Variants in UBE2J1 observed in about 807,000 individuals in gnomAD.
UBE2J1 encodes ubiquitin conjugating enzyme E2 J1.
In UBE2J1, 17 loss-of-function variants were observed where a neutral mutation model predicts 42.1. The observed-to-expected ratio is 0.40, with a 90% CI of 0.28 to 0.61. The LOEUF (loss-of-function observed/expected upper bound fraction) is 0.61. Among genes scored for constraint, UBE2J1 ranks in the 20% least tolerant of loss-of-function variants. The probability of loss-of-function intolerance (pLI) is 0.38; values close to 1 mark genes in which losing one functional copy is unlikely to be tolerated. For synonymous variants in UBE2J1, 127 were observed against 137.2 expected (o/e 0.93, Z 0.52); for missense variants, 291 against 389.4 (o/e 0.75, Z 2.13).
chr6:89,335,177 T>C (rs1197768219), intron 6 of UBE2J1, 125 bp downstream of exon 6: 1 of 912,054 alleles, frequency 1.1e-6, no homozygotes, highest in African/African-American at 1.7e-5. Context: ...TATAAAAATA[T>C]GAAAAAAGAA....
chr6:89,344,595 A>G (rs1249307760), intron 1 of UBE2J1, among the ~76,000 whole-genome samples: 1 of 152,228 alleles, frequency 6.6e-6, no homozygotes, highest in Non-Finnish European at 1.5e-5. Flanking sequence ...CATCACTGAA[A>G]GGAGGAAAAA....
chr6:89,339,391 C>T (rs113784501), intron 3 of UBE2J1, among the ~76,000 whole-genome samples: 1,962 of 129,544 alleles, frequency 0.015, 61 homozygotes, highest in African/African-American at 0.057. Flanking sequence ...GACTGCATTG[C>T]TGCATGCCAG....
Position 89,333,170 on chromosome 6 carries a change from C to T in UBE2J1, c.594G>A (p.Glu198=), listed in dbSNP as rs1426198940. ...EVNSSGKTIS[E]SDLNHSFSLT... ...GTGAAAAAGAGTGGTTTAAGTCTGACTCAGAGATAGTCTTTCCAGATGAAT... is the reference window on the plus strand; with the variant it reads ...GTGAAAAAGAGTGGTTTAAGTCTGATTCAGAGATAGTCTTTCCAGATGAAT... Residue 198 remains glutamate (E), a synonymous_variant, in exon 7 of 8, where the codon GAG becomes GAA. Transcript: ENST00000435041. 6.2e-7 allele frequency: 1 copy of T among 1,612,900 alleles called. No individual in the cohort carries two copies. The highest frequency in any genetic ancestry group is 1.1e-5 in the South Asian group (1 of 90,762).
Position 89,327,227 on chromosome 6 carries a change from G to A in UBE2J1, c.*2452C>T, listed in dbSNP as rs569780083. ...TCAAGCATGCTATTTTAATTACCTT[G>A]ATATCTCATCATGTGCTATGTTGGT... On this transcript the variant is annotated 3_prime_UTR_variant, in exon 8 of 8. Transcript: ENST00000435041. 4.8e-4 allele frequency: 73 copies of A among 151,764 alleles called. No homozygotes were observed. The highest frequency in any genetic ancestry group is 1.8e-3 in the African/African-American group (73 of 41,148). The allele number at this position is 151,764 out of a possible 1,614,324, so 9.4% of individuals were successfully genotyped here.
rs967721438 is a variant in UBE2J1 at position 89,352,721 on chromosome 6, G to T, written c.-152C>A. The T allele has an allele frequency of 2.4e-5, 20 of 821,834 alleles. No homozygotes were observed. Among genetic ancestry groups the T allele is most frequent in the Non-Finnish European group, 3.4e-5 (20 of 583,744 alleles). 50.9% of individuals were successfully genotyped at this position (821,834 alleles called of 1,614,324 possible). On this transcript the variant is annotated 5_prime_UTR_variant, in exon 1 of 8. Coordinates refer to ENST00000435041, the MANE Select transcript of UBE2J1 (RefSeq NM_016021.3). Reference sequence around the variant, plus strand: ...CAGTCCAGCCTGGACTGCGGGCGGGGTGGCAAGGCTGAGTGCGGGCGAGGC... The same window carrying T: ...CAGTCCAGCCTGGACTGCGGGCGGGTTGGCAAGGCTGAGTGCGGGCGAGGC...
intron 1 of UBE2J1, among the ~76,000 whole-genome samples, chr6:89,344,351 T>C (rs1351021131): frequency 6.6e-6 from 1 of 152,224 alleles, no homozygotes; most frequent in Non-Finnish European, 1.5e-5. Flanking sequence ...CTGAATTCAC[T>C]GACTCTCCAA....
At chr6:89,346,271 C>A (rs543855601) in intron 1 of UBE2J1, among the ~76,000 whole-genome samples, 13 of 152,286 alleles carry the variant, frequency 8.5e-5, no homozygotes, top group African/African-American at 3.1e-4. Context: ...ACTTTGTTCA[C>A]TGGATCATCA....
intron 3 of UBE2J1, among the ~76,000 whole-genome samples, chr6:89,338,855 CG>C (rs1272821094): frequency 5.9e-5 from 9 of 151,608 alleles, no homozygotes; most frequent in Admixed American, 6.6e-5. Flanking sequence ...TTAGTAGAGA[CG>C]GGGTTTCACC....
intron 2 of UBE2J1, 133 bp downstream of exon 2, chr6:89,343,550 C>A (rs947982886): frequency 1.1e-5 from 5 of 439,724 alleles, no homozygotes; most frequent in Non-Finnish European, 1.5e-5. Context: ...ATGAAATATT[C>A]ATGAAATATG....
intron 3 of UBE2J1, among the ~76,000 whole-genome samples, chr6:89,340,634 C>T (rs1421237439): frequency 2.6e-5 from 4 of 152,142 alleles, no homozygotes; most frequent in African/African-American, 9.7e-5. Flanking sequence ...ATTGTGTAAC[C>T]CACCCATAGT....
chr6:89,345,637 G>A (rs1313236183), intron 1 of UBE2J1, among the ~76,000 whole-genome samples: 1 of 151,536 alleles, frequency 6.6e-6, no homozygotes, highest in African/African-American at 2.4e-5. Flanking sequence ...ACCAGGCACG[G>A]TGGCTTAGGC....
chr6:89,346,018 A>G (rs1022101447), intron 1 of UBE2J1, among the ~76,000 whole-genome samples: 10 of 151,644 alleles, frequency 6.6e-5, no homozygotes, highest in Non-Finnish European at 1.0e-4. Flanking sequence ...GGCCTCCCCA[A>G]TAGCTGAGAC....
At chr6:89,339,552 A>G (rs1323283883) in intron 3 of UBE2J1, among the ~76,000 whole-genome samples, 1 of 1,118 alleles carries the variant, frequency 8.9e-4, no homozygotes. Flanking sequence ...GGGAGGGGGG[A>G]AGGGATGGGG....
intron 6 of UBE2J1, 105 bp from the exon 7 acceptor site, chr6:89,333,310 C>T: frequency 1.5e-6 from 2 of 1,305,360 alleles, no homozygotes; most frequent in Non-Finnish European, 2.1e-6. Context: ...ATTTTAATTG[C>T]TAGTTTAATA....
At chr6:89,351,733 A>G (rs1768485328) in intron 1 of UBE2J1, among the ~76,000 whole-genome samples, 1 of 152,218 alleles carries the variant, frequency 6.6e-6, no homozygotes, top group African/African-American at 2.4e-5. Flanking sequence ...CAAGGTACAG[A>G]TAGAAAAAAT....
At position 89,352,661 on chromosome 6, in the gene UBE2J1, CG is replaced by C; in HGVS notation, c.-93del. ...CGGGTCTCAGCGCGGCTCGGGCGGA[CG>C]GGGCCTGGCCGAGGAGCCTCGGCAA... On this transcript the variant is annotated 5_prime_UTR_variant, in exon 1 of 8. Transcript: ENST00000435041. 7.2e-7 allele frequency: 1 copy of C among 1,388,038 alleles called. No individual in the cohort carries two copies. The highest frequency in any genetic ancestry group is 1.4e-5 in the South Asian group (1 of 69,468). 86.0% of individuals were successfully genotyped at this position (1,388,038 alleles called of 1,614,324 possible).
chr6:89,350,029 GCTACT>G (rs1768440926), intron 1 of UBE2J1, among the ~76,000 whole-genome samples: 3 of 151,976 alleles, frequency 2.0e-5, no homozygotes, highest in Admixed American at 6.6e-5. Flanking sequence ...GACAACTACT[GCTACT>G]ACAGTAGCAG....
Position 89,348,624 on chromosome 6 carries a change from T to A in UBE2J1, c.31+3915A>T, listed in dbSNP as rs572130596. Among the ~76,000 whole-genome samples the A allele has an allele frequency of 2.2e-4, 34 of 152,322 alleles. 1 individual carries two copies. In the South Asian group the frequency reaches 6.4e-3, roughly 29 times the overall value. ...CAAATGTATCAGTTCAACAAACATT[T>A]AAAGAATGTCTGAGTGTTGGAGATA... On this transcript the variant is annotated intron_variant, in intron 1 of 7. Transcript: ENST00000435041.
rs939618949 is a variant in UBE2J1, at chr6:89,327,405, A to G, written c.*2274T>C. 9 of 152,292 alleles carry G rather than the reference A, an allele frequency of 5.9e-5. No homozygotes were observed. The highest frequency in any genetic ancestry group is 2.2e-4 in the African/African-American group (9 of 41,564). The allele number at this position is 152,292 out of a possible 1,614,324, so 9.4% of individuals were successfully genotyped here. A position where few individuals can be genotyped will look rare whatever the true frequency, so the allele number is the denominator to read the frequency against. On this transcript the variant is annotated 3_prime_UTR_variant, in exon 8 of 8. Coordinates refer to ENST00000435041, the MANE Select transcript of UBE2J1 (RefSeq NM_016021.3). ...TAATAGTTTTCTGAAGAGGCCTTTC[A>G]GTGGGGCTTGGACAAAAAGGGCCCC...
Sources: gnomAD v4.1 joint callset for allele counts (sites outside exome capture counted in the v4.1 genomes callset) on GRCh38, gnomAD v4.1.1 for gene constraint, MANE v1.5 for transcripts, NCBI Gene and HGNC (gene_info 2026-07-23, HGNC 2026-07-21) for gene names.